Variants in INTS15 observed in about 807,000 individuals in gnomAD.
The protein encoded by INTS15 is uncharacterized protein C7orf26.
chr7:6,605,721 C>T, the INTS15 span, among the ~76,000 whole-genome samples: 1 of 152,130 alleles, frequency 6.6e-6, no homozygotes, highest in Admixed American at 6.6e-5. Flanking sequence ...TTTTTTGAGA[C>T]AGAGTCTCGC....
At chr7:6,606,498 G>C in the INTS15 span, among the ~76,000 whole-genome samples, 4 of 152,182 alleles carry the variant, frequency 2.6e-5, no homozygotes, top group Non-Finnish European at 4.4e-5. Flanking sequence ...AACCCGGCAG[G>C]CTGGCCTTGG....
At chr7:6,590,833 TC>T in the INTS15 span, among the ~76,000 whole-genome samples, 6 of 151,958 alleles carry the variant, frequency 3.9e-5, no homozygotes, top group African/African-American at 1.4e-4. Context: ...CTTTTTTTTT[TC>T]TTTCTCTGCC....
chr7:6,606,856 C>T, the INTS15 span, among the ~76,000 whole-genome samples: 1 of 152,060 alleles, frequency 6.6e-6, no homozygotes, highest in Admixed American at 6.6e-5. Context: ...AAGGTGTGCA[C>T]CACCACGCCC....
chr7:6,608,090 C>T, the INTS15 span: 8 of 1,575,096 alleles, frequency 5.1e-6, no homozygotes, highest in African/African-American at 1.3e-5. Flanking sequence ...CGCCGCCCAC[C>T]CCGCCCTGCC....
the INTS15 span, chr7:6,591,569 C>G: frequency 1.5e-6 from 2 of 1,342,800 alleles, no homozygotes; most frequent in Non-Finnish European, 2.1e-6. Context: ...CAGTCTATTT[C>G]CTGTTTTCTT....
chr7:6,603,393 C>T, the INTS15 span, among the ~76,000 whole-genome samples: 3 of 151,576 alleles, frequency 2.0e-5, no homozygotes, highest in African/African-American at 7.3e-5. Flanking sequence ...ACTAAAAATA[C>T]AAAATTAGCC....
the INTS15 span, chr7:6,590,604 G>A: frequency 7.2e-7 from 1 of 1,393,060 alleles, no homozygotes; most frequent in Non-Finnish European, 9.3e-7. Context: ...GCTCGGCCTC[G>A]CTCCTGCAGC....
chr7:6,594,721 A>G, the INTS15 span: 15 of 936,352 alleles, frequency 1.6e-5, no homozygotes, highest in African/African-American at 1.2e-4. Flanking sequence ...TCTGAAATGT[A>G]TATTTTTATT....
the INTS15 span, among the ~76,000 whole-genome samples, chr7:6,594,808 C>CT: frequency 6.6e-6 from 1 of 152,064 alleles, no homozygotes; most frequent in Admixed American, 6.6e-5. Flanking sequence ...GTAACCTCCC[C>CT]CTCCCAGGTT....
At chr7:6,594,761 C>T in the INTS15 span, among the ~76,000 whole-genome samples, 10 of 152,234 alleles carry the variant, frequency 6.6e-5, no homozygotes, top group South Asian at 1.7e-3. Flanking sequence ...GAGTCTGTTG[C>T]CCAGGCTGGA....
At chr7:6,598,158 A>G in the INTS15 span, among the ~76,000 whole-genome samples, 1 of 152,062 alleles carries the variant, frequency 6.6e-6, no homozygotes, top group Non-Finnish European at 1.5e-5. Flanking sequence ...AAACAGAAAC[A>G]TCTCTGTGGA....
chr7:6,594,586 A>C, the INTS15 span: 1 of 1,614,078 alleles, frequency 6.2e-7, no homozygotes, highest in Non-Finnish European at 8.5e-7. Flanking sequence ...ACCGCGCTCT[A>C]TGACCTGTCA....
chr7:6,591,948 G>C, the INTS15 span: 1 of 1,308,508 alleles, frequency 7.6e-7, no homozygotes, highest in Non-Finnish European at 1.1e-6. Context: ...GAGGTGGGCG[G>C]ATCACTTGAG....
chr7:6,590,261 G>T, the INTS15 span: 2 of 1,492,308 alleles, frequency 1.3e-6, no homozygotes, highest in Non-Finnish European at 1.8e-6. Context: ...CGCGCTCGGC[G>T]CGGGGGCCGC....
the INTS15 span, among the ~76,000 whole-genome samples, chr7:6,592,848 G>A: frequency 6.6e-6 from 1 of 151,976 alleles, no homozygotes; most frequent in East Asian, 1.9e-4. Context: ...GAGGTCAAGC[G>A]ATCCTCCTGC....
At chr7:6,600,188 C>T in the INTS15 span, 8 of 1,614,102 alleles carry the variant, frequency 5.0e-6, no homozygotes, top group African/African-American at 6.7e-5. Context: ...GTATGGGCGC[C>T]TGGGGCTGAT....
the INTS15 span, among the ~76,000 whole-genome samples, chr7:6,594,772 G>C: frequency 0.017 from 2,526 of 152,232 alleles, 63 homozygotes; most frequent in African/African-American, 0.058. Context: ...CCAGGCTGGA[G>C]TGCAGTGGTG....
At chr7:6,592,275 A>AT in the INTS15 span, among the ~76,000 whole-genome samples, 4 of 151,110 alleles carry the variant, frequency 2.6e-5, no homozygotes, top group African/African-American at 9.7e-5. Context: ...TGTTTAAATT[A>AT]TTTTTTTTGG....
chr7:6,592,334 AGGG>A, the INTS15 span, among the ~76,000 whole-genome samples: 1 of 151,870 alleles, frequency 6.6e-6, no homozygotes, highest in Non-Finnish European at 1.5e-5. Flanking sequence ...GGGAGGCCGA[AGGG>A]GGGCAGATCA....
Sources: allele counts gnomAD v4.1 joint callset (sites outside exome capture counted in the v4.1 genomes callset), GRCh38; gene constraint gnomAD v4.1.1; transcripts MANE v1.5; gene names NCBI Gene and HGNC (gene_info 2026-07-23, HGNC 2026-07-21).